The following ULK4 variants were observed in gnomAD, a reference collection of about 807,000 sequenced individuals.
The protein encoded by ULK4 is inactive serine/threonine-protein kinase ULK4.
In ULK4, 133 loss-of-function variants were observed where a neutral mutation model predicts 160.6. The observed-to-expected ratio is 0.83, with a 90% CI of 0.72 to 0.96. The LOEUF is 0.96. Among genes scored for constraint, ULK4 ranks in the 40% least tolerant of loss-of-function variants. ULK4 has a pLI of 0.00. For missense variants in ULK4, 1,580 were observed against 1,499.5 expected (o/e 1.05, Z -0.89); for synonymous variants, 534 against 539.8 (o/e 0.99, Z 0.15).
At chr3:41,319,601 A>C (rs2080210711) in intron 35 of ULK4, among the ~76,000 whole-genome samples, 1 of 152,236 alleles carries the variant, frequency 6.6e-6, no homozygotes, top group African/African-American at 2.4e-5. Flanking sequence ...CATCATGTCC[A>C]ATCTGCCAAA....
chr3:41,365,388 T>C (rs891203207), intron 35 of ULK4, among the ~76,000 whole-genome samples: 6 of 152,242 alleles, frequency 3.9e-5, no homozygotes, highest in Non-Finnish European at 5.9e-5. Context: ...CATGTCCTAA[T>C]GTTTTGCAAT....
chr3:41,735,406 C>T (rs762200476), intron 22 of ULK4, among the ~76,000 whole-genome samples: 2 of 152,116 alleles, frequency 1.3e-5, no homozygotes, highest in African/African-American at 2.4e-5. Flanking sequence ...CAGGCTTCTC[C>T]TTAAAGATGC....
At chr3:41,281,558 T>G (rs555631116) in intron 35 of ULK4, among the ~76,000 whole-genome samples, 65 of 152,288 alleles carry the variant, frequency 4.3e-4, no homozygotes, top group African/African-American at 1.4e-3. Flanking sequence ...ATCACATGAT[T>G]ATCTCATTAG....
chr3:41,462,340 T>C (rs2083706027), intron 33 of ULK4, among the ~76,000 whole-genome samples: 1 of 152,202 alleles, frequency 6.6e-6, no homozygotes, highest in African/African-American at 2.4e-5. Context: ...TATACATCTC[T>C]TGCAATTGTA....
intron 31 of ULK4, 110 bp downstream of exon 31, chr3:41,615,559 A>G: frequency 9.9e-7 from 1 of 1,008,122 alleles, no homozygotes; most frequent in South Asian, 1.6e-5. Flanking sequence ...TGATGGACGT[A>G]CAATCCTTCA....
intron 16 of ULK4, among the ~76,000 whole-genome samples, chr3:41,891,989 T>C (rs1200209599): frequency 6.6e-6 from 1 of 152,186 alleles, no homozygotes; most frequent in Non-Finnish European, 1.5e-5. Context: ...AAACTATGTT[T>C]TTAATTAAAA....
At chr3:41,631,872 C>T (rs1290080275) in intron 30 of ULK4, among the ~76,000 whole-genome samples, 2 of 152,190 alleles carry the variant, frequency 1.3e-5, no homozygotes, top group Admixed American at 1.3e-4. Context: ...CAGGGCTTTA[C>T]AGAAATTGTC....
intron 22 of ULK4, among the ~76,000 whole-genome samples, chr3:41,736,409 C>T (rs1283540546): frequency 4.6e-5 from 7 of 151,720 alleles, no homozygotes; most frequent in South Asian, 2.1e-4. Context: ...TGGTATCTCA[C>T]TGCGGTTTTG....
In ULK4 at chr3:41,455,572, C is replaced by A. The variant is rs2083527119; in HGVS notation, c.3417G>T (p.Glu1139Asp). The A allele has an allele frequency of 6.2e-7, 1 of 1,613,876 alleles. No individual in the cohort carries two copies. Among genetic ancestry groups the A allele is most frequent in the East Asian group, 2.2e-5 (1 of 44,842 alleles). Residue 1139 changes from glutamate (E) to aspartate (D), a missense_variant, in exon 34 of 37, where the codon GAG becomes GAT. Transcript: ENST00000301831. ...GCAGGTCTTCTGCAGCCTGAGGGTCCTCTCCTGAGCCAGACTTCTGGGCCT... is the reference window on the plus strand; with the variant it reads ...GCAGGTCTTCTGCAGCCTGAGGGTCATCTCCTGAGCCAGACTTCTGGGCCT... ...ALQAQKSGSG[E>D]DPQAAEDLLL...
intron 17 of ULK4, chr3:41,882,343 T>C (rs769946674): frequency 1.1e-5 from 8 of 699,784 alleles, no homozygotes; most frequent in African/African-American, 8.8e-5. Flanking sequence ...GTGAAAAAGA[T>C]AAAGTAGAAC....
At chr3:41,251,531 G>T (rs2078742287) in intron 35 of ULK4, among the ~76,000 whole-genome samples, 1 of 152,152 alleles carries the variant, frequency 6.6e-6, no homozygotes. Context: ...TTCTTAGCCT[G>T]GATGCAACAA....
At chr3:41,284,903 A>T (rs1001186643) in intron 35 of ULK4, among the ~76,000 whole-genome samples, 9 of 152,248 alleles carry the variant, frequency 5.9e-5, no homozygotes, top group Admixed American at 5.9e-4. Flanking sequence ...AGTATGAAAA[A>T]AAGAAACCCA....
At chr3:41,563,672 C>T (rs184412929) in intron 32 of ULK4, among the ~76,000 whole-genome samples, 56 of 152,308 alleles carry the variant, frequency 3.7e-4, no homozygotes, top group Non-Finnish European at 6.5e-4. Flanking sequence ...CTTGTGCATG[C>T]GTCACGAAGT....
intron 8 of ULK4, among the ~76,000 whole-genome samples, chr3:41,914,011 T>C (rs1698887392): frequency 6.6e-6 from 1 of 152,142 alleles, no homozygotes; most frequent in African/African-American, 2.4e-5. Context: ...TTCATAACCA[T>C]ATACATTCAC....
At chr3:41,839,800 T>C (rs1416997422) in intron 17 of ULK4, among the ~76,000 whole-genome samples, 2 of 151,974 alleles carry the variant, frequency 1.3e-5, no homozygotes, top group Non-Finnish European at 2.9e-5. Flanking sequence ...AATAAACACA[T>C]GGAAACTGAA....
intron 22 of ULK4, among the ~76,000 whole-genome samples, chr3:41,744,421 G>T (rs563461763): frequency 4.6e-5 from 7 of 152,062 alleles, no homozygotes; most frequent in Non-Finnish European, 8.8e-5. Flanking sequence ...AATATCAAAT[G>T]AAGTAAACTT....
intron 27 of ULK4, among the ~76,000 whole-genome samples, chr3:41,692,585 G>T (rs1016228307): frequency 4.0e-5 from 6 of 150,122 alleles, no homozygotes; most frequent in Non-Finnish European, 7.4e-5. Context: ...AAATACCATT[G>T]CACCCTAATC....
At chr3:41,870,665 T>G (rs1389178556) in intron 17 of ULK4, among the ~76,000 whole-genome samples, 1 of 152,200 alleles carries the variant, frequency 6.6e-6, no homozygotes, top group Non-Finnish European at 1.5e-5. Context: ...TGGTACAATG[T>G]GTATATATAA....
At chr3:41,534,881 T>C (rs993518617) in intron 32 of ULK4, among the ~76,000 whole-genome samples, 4 of 152,194 alleles carry the variant, frequency 2.6e-5, no homozygotes, top group African/African-American at 9.7e-5. Context: ...GTAAGGTTTA[T>C]TATAATTTTT....
Sources: allele counts gnomAD v4.1 joint callset (sites outside exome capture counted in the v4.1 genomes callset), GRCh38; gene constraint gnomAD v4.1.1; transcripts MANE v1.5; gene names NCBI Gene and HGNC (gene_info 2026-07-23, HGNC 2026-07-21).